Variants in TMTC2 observed in about 807,000 individuals in gnomAD.
TMTC2 encodes the protein transmembrane O-mannosyltransferase targeting cadherins 2.
Under a neutral mutation model 82.4 loss-of-function variants are expected in TMTC2, and 43 were observed. The ratio of observed to expected loss-of-function variants is 0.52; its 90% CI spans 0.41 to 0.67. TMTC2 has a LOEUF of 0.67. TMTC2 is among the 30% of genes least tolerant of loss of function. The pLI, the probability that TMTC2 is intolerant of heterozygous loss-of-function variation, is 0.00. For synonymous variants in TMTC2, 408 were observed against 381.9 expected (o/e 1.07, Z -0.80); for missense variants, 919 against 1,012.4 (o/e 0.91, Z 1.25).
intron 1 of TMTC2, among the ~76,000 whole-genome samples, chr12:82,723,645 C>T (rs1219612466): frequency 1.3e-5 from 2 of 152,140 alleles, no homozygotes; most frequent in Non-Finnish European, 2.9e-5. Flanking sequence ...CACATGAGGT[C>T]AGGTGTGGAA....
Position 82,896,534 on chromosome 12 carries a change from T to C in TMTC2, c.1371T>C (p.Tyr457=). Reference sequence around the variant, plus strand: ...GGTTCCTCAAGAGCTTGATTTTTTATGCTACAGCTACACTAATTGTTTTTT... The same window carrying C: ...GGTTCCTCAAGAGCTTGATTTTTTACGCTACAGCTACACTAATTGTTTTTT... ...QKRFLKSLIF[Y]ATATLIVFYG... Residue 457 remains tyrosine (Y), a synonymous_variant, in exon 3 of 12, where the codon TAT becomes TAC. Coordinates refer to ENST00000321196, the MANE Select transcript of TMTC2 (RefSeq NM_152588.3). 1 of 1,614,210 alleles carries C rather than the reference T, an allele frequency of 6.2e-7. No homozygotes were observed. Among genetic ancestry groups the C allele is most frequent in the Non-Finnish European group, 8.5e-7 (1 of 1,180,036 alleles).
chr12:83,059,161 G>C (rs1882649476), intron 10 of TMTC2, among the ~76,000 whole-genome samples: 1 of 151,796 alleles, frequency 6.6e-6, no homozygotes, highest in Admixed American at 6.6e-5. Context: ...TATGGTTGAA[G>C]TTCTTGACAA....
At chr12:83,039,386 G>T (rs976743250) in intron 9 of TMTC2, among the ~76,000 whole-genome samples, 2 of 151,864 alleles carry the variant, frequency 1.3e-5, no homozygotes, top group Non-Finnish European at 2.9e-5. Flanking sequence ...CACTTGCATG[G>T]AGTCTATTAC....
chr12:82,929,084 T>A (rs1312899739), intron 3 of TMTC2, among the ~76,000 whole-genome samples: 1 of 152,174 alleles, frequency 6.6e-6, no homozygotes, highest in African/African-American at 2.4e-5. Flanking sequence ...TGTTTTGTTT[T>A]ATTTTTTTGA....
chr12:82,966,129 G>C (rs961365954), intron 6 of TMTC2, among the ~76,000 whole-genome samples: 2 of 151,978 alleles, frequency 1.3e-5, no homozygotes, highest in Non-Finnish European at 2.9e-5. Context: ...CCTATGCCCA[G>C]TGTTTGATAT....
At chr12:82,833,189 T>C (rs1869842640) in intron 1 of TMTC2, among the ~76,000 whole-genome samples, 1 of 152,232 alleles carries the variant, frequency 6.6e-6, no homozygotes, top group African/African-American at 2.4e-5. Context: ...TTGTTTATTT[T>C]TTAAGGTAGC....
At chr12:82,937,731 T>C in intron 4 of TMTC2, among the ~76,000 whole-genome samples, 1 of 19,316 alleles carries the variant, frequency 5.2e-5, no homozygotes, top group East Asian at 0.011. Context: ...TGTGTGTGGA[T>C]GTGTGTGTGT....
chr12:82,881,356 T>C (rs1322806735), intron 2 of TMTC2, among the ~76,000 whole-genome samples: 1 of 152,222 alleles, frequency 6.6e-6, no homozygotes, highest in Non-Finnish European at 1.5e-5. Flanking sequence ...CTTTCCGACA[T>C]CGTAATTTCC....
intron 4 of TMTC2, among the ~76,000 whole-genome samples, chr12:82,949,990 T>A (rs558935925): frequency 6.6e-6 from 1 of 152,288 alleles, no homozygotes; most frequent in African/African-American, 2.4e-5. Flanking sequence ...GGGAAGTGCA[T>A]GTATAAATAA....
At chr12:83,125,828 T>C (rs1885082748) in intron 11 of TMTC2, among the ~76,000 whole-genome samples, 1 of 152,202 alleles carries the variant, frequency 6.6e-6, no homozygotes, top group Admixed American at 6.5e-5. Context: ...TACCAAGTGT[T>C]ATTAAGGATA....
intron 4 of TMTC2, among the ~76,000 whole-genome samples, chr12:82,948,267 A>G (rs547556129): frequency 6.6e-5 from 10 of 152,084 alleles, no homozygotes; most frequent in Admixed American, 5.2e-4. Context: ...TAGGAGGCTG[A>G]TGTGGGAGAA....
At chr12:83,115,989 T>G (rs532240355) in intron 11 of TMTC2, among the ~76,000 whole-genome samples, 42 of 152,284 alleles carry the variant, frequency 2.8e-4, no homozygotes, top group African/African-American at 9.9e-4. Context: ...GCTTTCAATG[T>G]GTTTGCCAGG....
At chr12:82,759,824 G>A (rs1327495985) in intron 1 of TMTC2, 2 of 152,340 alleles carry the variant, frequency 1.3e-5, no homozygotes, top group East Asian at 1.9e-4. Flanking sequence ...ATGGTTTAAT[G>A]CCTATGGGTT....
intron 11 of TMTC2, among the ~76,000 whole-genome samples, chr12:83,086,711 TAC>T (rs1320664653): frequency 1.3e-5 from 2 of 152,186 alleles, no homozygotes; most frequent in African/African-American, 4.8e-5. Context: ...GTTTATACCA[TAC>T]AGTCATCTAT....
chr12:82,813,193 C>T (rs1273150281), intron 1 of TMTC2, among the ~76,000 whole-genome samples: 1 of 152,082 alleles, frequency 6.6e-6, no homozygotes, highest in African/African-American at 2.4e-5. Context: ...CTGGCAGATA[C>T]TATTTTCTAC....
intron 3 of TMTC2, among the ~76,000 whole-genome samples, chr12:82,921,441 A>G (rs1315235194): frequency 6.6e-6 from 1 of 152,198 alleles, no homozygotes; most frequent in Non-Finnish European, 1.5e-5. Flanking sequence ...TGTTAAATAA[A>G]TGTAAATACT....
chr12:83,012,663 GTA>G (rs1431222643), intron 8 of TMTC2, among the ~76,000 whole-genome samples: 1 of 152,118 alleles, frequency 6.6e-6, no homozygotes, highest in Non-Finnish European at 1.5e-5. Flanking sequence ...ACATAGAAGA[GTA>G]TGATCTTCTG....
At chr12:82,849,359 T>C (rs1870851772) in intron 1 of TMTC2, among the ~76,000 whole-genome samples, 1 of 152,046 alleles carries the variant, frequency 6.6e-6, no homozygotes, top group African/African-American at 2.4e-5. Context: ...ATAAGCATGC[T>C]AAGCAATGCA....
chr12:82,838,425 C>T (rs1870163850), intron 1 of TMTC2, among the ~76,000 whole-genome samples: 1 of 152,140 alleles, frequency 6.6e-6, no homozygotes, highest in Non-Finnish European at 1.5e-5. Flanking sequence ...AGTGCACTCC[C>T]TACCATGATG....
Sources: allele counts gnomAD v4.1 joint callset (sites outside exome capture counted in the v4.1 genomes callset), GRCh38; gene constraint gnomAD v4.1.1; transcripts MANE v1.5; gene names NCBI Gene and HGNC (gene_info 2026-07-23, HGNC 2026-07-21).